Variants in GFRAL observed in about 807,000 individuals in gnomAD.
GFRAL encodes GDNF family receptor alpha like.
In GFRAL, 36 loss-of-function variants were observed where a neutral mutation model predicts 45.4. The ratio of observed to expected loss-of-function variants is 0.79; its 90% CI spans 0.61 to 1.05. The LOEUF is 1.05. Among genes scored for constraint, GFRAL ranks in the 50% least tolerant of loss-of-function variants. The probability of loss-of-function intolerance (pLI) is 0.00; values close to 1 mark genes in which losing one functional copy is unlikely to be tolerated. For synonymous variants in GFRAL, 166 were observed against 154.1 expected (o/e 1.08, Z -0.57); for missense variants, 507 against 467.5 (o/e 1.08, Z -0.78).
intron 6 of GFRAL, among the ~76,000 whole-genome samples, chr6:55,360,908 A>G (rs1332310469): frequency 6.6e-6 from 1 of 151,948 alleles, no homozygotes; most frequent in Non-Finnish European, 1.5e-5. Context: ...ATAATGATTC[A>G]ATTTATTTGG....
intron 6 of GFRAL, among the ~76,000 whole-genome samples, chr6:55,371,235 A>G (rs546527824): frequency 1.3e-5 from 2 of 152,332 alleles, no homozygotes; most frequent in Non-Finnish European, 2.9e-5. Flanking sequence ...ATATTTTCTC[A>G]GGATTATACT....
intron 3 of GFRAL, among the ~76,000 whole-genome samples, chr6:55,346,995 G>A (rs1054817708): frequency 2.0e-5 from 3 of 151,954 alleles, no homozygotes; most frequent in African/African-American, 7.3e-5. Flanking sequence ...TGACTTTTCT[G>A]TGAGAAAACA....
At chr6:55,371,085 AT>A (rs556355572) in intron 6 of GFRAL, among the ~76,000 whole-genome samples, 68 of 152,170 alleles carry the variant, frequency 4.5e-4, no homozygotes, top group Admixed American at 2.2e-3. Context: ...ACAGATATAT[AT>A]TTTTTTCTTT....
chr6:55,338,962 T>C (rs1358586870), intron 3 of GFRAL, among the ~76,000 whole-genome samples: 2 of 152,034 alleles, frequency 1.3e-5, no homozygotes, highest in East Asian at 1.9e-4. Flanking sequence ...GGCAATAACG[T>C]AGAGAGGATG....
chr6:55,337,038 T>A (rs1239838996), intron 3 of GFRAL, among the ~76,000 whole-genome samples: 3 of 152,154 alleles, frequency 2.0e-5, no homozygotes, highest in Admixed American at 1.3e-4. Flanking sequence ...CTGGCCATTT[T>A]AAAATATATA....
At chr6:55,361,076 A>G (rs995366730) in intron 6 of GFRAL, among the ~76,000 whole-genome samples, 2 of 152,084 alleles carry the variant, frequency 1.3e-5, no homozygotes, top group Non-Finnish European at 2.9e-5. Context: ...ATAGACATTT[A>G]AAATTGTGTA....
chr6:55,399,234 C>A lies in GFRAL; in HGVS notation c.1007C>A (p.Ala336Glu). The A allele has an allele frequency of 6.2e-7, 1 of 1,607,036 alleles. No homozygotes were observed. The highest frequency in any genetic ancestry group is 8.5e-7 in the Non-Finnish European group (1 of 1,175,070). Residue 336 changes from alanine to glutamate, a missense_variant, in exon 7 of 9, where the codon GCA (alanine) becomes GAA (glutamate). By Grantham distance (107) the Ala-to-Glu change is moderately radical. Coordinates refer to ENST00000340465, the MANE Select transcript of GFRAL (RefSeq NM_207410.2). Reference protein sequence around the residue: ...KGMALYTRKHANKITLTGFHS... With the variant: ...KGMALYTRKHENKITLTGFHS... ...ATGGCATTGTATACAAGAAAACATG[C>A]AAACAAAATCACTTTAACTGGATTT...
At chr6:55,342,327 C>T (rs1264439833) in intron 3 of GFRAL, among the ~76,000 whole-genome samples, 14 of 152,226 alleles carry the variant, frequency 9.2e-5, no homozygotes, top group South Asian at 2.1e-4. Flanking sequence ...GCAGATCTCT[C>T]GGCAGAAACT....
intron 6 of GFRAL, among the ~76,000 whole-genome samples, chr6:55,397,381 A>G (rs919686079): frequency 1.4e-3 from 200 of 147,210 alleles, no homozygotes; most frequent in Admixed American, 3.9e-3. Context: ...AGCCGGGCGC[A>G]GTGGCGGGCG....
chr6:55,392,412 C>T (rs1012741099), intron 6 of GFRAL, among the ~76,000 whole-genome samples: 4 of 152,172 alleles, frequency 2.6e-5, no homozygotes, highest in Non-Finnish European at 4.4e-5. Context: ...CTTTTCATCA[C>T]ATTGTTATGT....
chr6:55,340,916 T>C (rs1257319371), intron 3 of GFRAL, among the ~76,000 whole-genome samples: 1 of 152,162 alleles, frequency 6.6e-6, no homozygotes, highest in East Asian at 1.9e-4. Context: ...CCATGGAGCC[T>C]CGCTCATTCC....
chr6:55,367,813 T>C (rs967326756), intron 6 of GFRAL, among the ~76,000 whole-genome samples: 1 of 152,194 alleles, frequency 6.6e-6, no homozygotes, highest in Non-Finnish European at 1.5e-5. Context: ...AGAGATCCGC[T>C]CTTAGTCTGA....
chr6:55,356,435 G>T lies in GFRAL; in HGVS notation c.702-2453G>T, dbSNP rs79867128. Among the ~76,000 whole-genome samples, 9 of 151,834 alleles carry T rather than the reference G, an allele frequency of 5.9e-5. No homozygotes were observed. The East Asian group carries it at 1.5e-3, about 26-fold the overall frequency. On this transcript the variant is annotated intron_variant, in intron 5 of 8. Coordinates refer to ENST00000340465, the MANE Select transcript of GFRAL (RefSeq NM_207410.2). ...TTGGACTTCTTTATAGTTCAATCTT[G>T]GTAGGTTGTGTCTACAAATTTATTC...
intron 6 of GFRAL, among the ~76,000 whole-genome samples, chr6:55,380,337 G>A (rs1011567929): frequency 2.0e-5 from 3 of 151,848 alleles, no homozygotes; most frequent in Non-Finnish European, 4.4e-5. Flanking sequence ...AAGAAACATG[G>A]TCACAAAGAC....
chr6:55,353,490 C>T (rs985273532), intron 5 of GFRAL, among the ~76,000 whole-genome samples: 3 of 151,978 alleles, frequency 2.0e-5, no homozygotes, highest in Non-Finnish European at 2.9e-5. Context: ...TATAGGATAT[C>T]AAGGTTCTTA....
intron 6 of GFRAL, among the ~76,000 whole-genome samples, chr6:55,367,772 C>T (rs1768385894): frequency 6.6e-6 from 1 of 151,956 alleles, no homozygotes. Context: ...TATTGGCCCC[C>T]ACTCTCTTCT....
At chr6:55,376,152 A>C (rs1028973630) in intron 6 of GFRAL, among the ~76,000 whole-genome samples, 2 of 151,974 alleles carry the variant, frequency 1.3e-5, no homozygotes, top group African/African-American at 4.8e-5. Flanking sequence ...TTATGTAATG[A>C]ATCATATTTA....
chr6:55,342,239 G>C (rs555836351), intron 3 of GFRAL, among the ~76,000 whole-genome samples: 17 of 152,140 alleles, frequency 1.1e-4, no homozygotes, highest in Non-Finnish European at 2.4e-4. Context: ...CACCAAAGTT[G>C]AAATGAAGGA....
intron 6 of GFRAL, among the ~76,000 whole-genome samples, chr6:55,376,202 T>C (rs956836728): frequency 2.0e-5 from 3 of 152,144 alleles, no homozygotes; most frequent in African/African-American, 7.2e-5. Flanking sequence ...ACCCCAGACA[T>C]GAAGCCAACT....
Sources: allele counts gnomAD v4.1 joint callset (sites outside exome capture counted in the v4.1 genomes callset), GRCh38; gene constraint gnomAD v4.1.1; transcripts MANE v1.5; gene names NCBI Gene and HGNC (gene_info 2026-07-23, HGNC 2026-07-21).